Variants in CACNA1C observed in about 807,000 individuals in gnomAD.
CACNA1C encodes calcium voltage-gated channel subunit alpha1 C, also known as voltage-dependent L-type calcium channel subunit alpha-1C.
Under a neutral mutation model 229.0 loss-of-function variants are expected in CACNA1C, and 30 were observed. The ratio of observed to expected loss-of-function variants is 0.13; its 90% CI spans 0.10 to 0.18. The LOEUF (loss-of-function observed/expected upper bound fraction) is 0.18, where lower values mean the gene tolerates loss of function less well. Ranked by LOEUF, CACNA1C falls within the 10% of genes least tolerant of loss-of-function variation. The pLI, the probability that CACNA1C is intolerant of heterozygous loss-of-function variation, is 1.00. For synonymous variants in CACNA1C, 1,114 were observed against 1,132.5 expected (o/e 0.98, Z 0.33); for missense variants, 1,658 against 2,845.0 (o/e 0.58, Z 9.49).
rs554000217 is a variant in CACNA1C at position 2,418,126 on chromosome 12, G to A, written c.478-30850G>A. 5.3e-5 allele frequency among the ~76,000 whole-genome samples: 8 copies of A among 152,204 alleles called. No homozygotes were observed. In the East Asian group the frequency reaches 7.7e-4, roughly 15 times the overall value. On this transcript the variant is annotated intron_variant, in intron 3 of 46. Coordinates refer to ENST00000399655, the MANE Select transcript of CACNA1C (RefSeq NM_000719.7). Reference sequence around the variant, plus strand: ...CCTGTCTAACCTTCTGCCTCAGCTCGCTCAGCTGCATAGACAGATAGGCAG... The same window carrying A: ...CCTGTCTAACCTTCTGCCTCAGCTCACTCAGCTGCATAGACAGATAGGCAG...
At chr12:2,210,944 C>CAA (rs1303836500) in intron 3 of CACNA1C, among the ~76,000 whole-genome samples, 25 of 152,026 alleles carry the variant, frequency 1.6e-4, no homozygotes, top group African/African-American at 5.8e-4. Flanking sequence ...TACAGGTGGG[C>CAA]AAGCTGGGAT....
At chr12:2,522,493 G>A (rs2099811857) in intron 9 of CACNA1C, among the ~76,000 whole-genome samples, 1 of 152,164 alleles carries the variant, frequency 6.6e-6, no homozygotes, top group South Asian at 2.1e-4. Flanking sequence ...TTGACAGAAT[G>A]GGCAGAAATG....
chr12:2,613,267 C>T (rs1435469826), intron 29 of CACNA1C: 1 of 152,162 alleles, frequency 6.6e-6, no homozygotes, highest in Non-Finnish European at 1.5e-5. Context: ...ATTAGCATCC[C>T]TCTGTGGAGA....
At chr12:2,611,504 T>TA (rs2077765713) in intron 28 of CACNA1C, among the ~76,000 whole-genome samples, 1 of 144,232 alleles carries the variant, frequency 6.9e-6, no homozygotes, top group African/African-American at 2.6e-5. Context: ...TGTTGGTTGA[T>TA]AAGTGGGGAG....
intron 1 of CACNA1C, among the ~76,000 whole-genome samples, chr12:2,055,100 G>A (rs1189312802): frequency 2.0e-5 from 3 of 152,242 alleles, no homozygotes; most frequent in African/African-American, 7.2e-5. Flanking sequence ...CTTGTCAAGG[G>A]TCATGGGTTC....
At position 2,080,059 on chromosome 12, in the gene CACNA1C, A is replaced by G. The variant is rs781257918; in HGVS notation, c.49+26448A>G. Among the ~76,000 whole-genome samples, 108 of 152,106 alleles carry G rather than the reference A, an allele frequency of 7.1e-4. 1 individual carries two copies. The highest frequency in any genetic ancestry group is 3.4e-3 in the Middle Eastern group (1 of 292). On this transcript the variant is annotated intron_variant, in intron 1 of 46. Coordinates refer to ENST00000399655, the MANE Select transcript of CACNA1C (RefSeq NM_000719.7). ...GCAGATCACTTGAGGCCAGGAGTTC[A>G]AGACCAGCCTGGCCAACATGGTGAA...
intron 3 of CACNA1C, among the ~76,000 whole-genome samples, chr12:2,292,917 C>T (rs1450773304): frequency 1.3e-5 from 2 of 151,528 alleles, no homozygotes; most frequent in Admixed American, 6.6e-5. Flanking sequence ...GAGAGCTTTC[C>T]GTAATTGCGT....
At chr12:2,533,895 G>T (rs972254278) in intron 9 of CACNA1C, among the ~76,000 whole-genome samples, 1 of 152,156 alleles carries the variant, frequency 6.6e-6, no homozygotes, top group African/African-American at 2.4e-5. Context: ...ATGAGGTGCT[G>T]TCATGTGAGC....
intron 7 of CACNA1C, among the ~76,000 whole-genome samples, chr12:2,501,413 C>T (rs2099759970): frequency 2.0e-5 from 3 of 152,240 alleles, no homozygotes; most frequent in African/African-American, 2.4e-5. Context: ...GTCTCAACCC[C>T]ATTGCCTTCC....
intron 1 of CACNA1C, among the ~76,000 whole-genome samples, chr12:1,994,330 C>G (rs1010647702): frequency 1.3e-5 from 2 of 152,184 alleles, no homozygotes; most frequent in South Asian, 4.1e-4. Flanking sequence ...TTATGAGCAA[C>G]AGGAAGACAA....
At chr12:2,236,198 A>G (rs1345974012) in intron 3 of CACNA1C, among the ~76,000 whole-genome samples, 2 of 152,162 alleles carry the variant, frequency 1.3e-5, no homozygotes, top group African/African-American at 4.8e-5. Flanking sequence ...TGTGCCCAAG[A>G]GCCATCTGGG....
chr12:2,236,301 C>T lies in CACNA1C; in HGVS notation c.477+115871C>T, dbSNP rs148724080. ...AAGCTCCCAGGTAATGTCAGTGTGA[C>T]TGATTGCTGGTCCACACATTGAGCA... is the stretch of plus-strand genomic sequence containing the variant. On this transcript the variant is annotated intron_variant, in intron 3 of 46. Transcript: ENST00000399655. 1.3e-5 allele frequency among the ~76,000 whole-genome samples: 2 copies of T among 152,300 alleles called. 1 individual carries two copies. Among genetic ancestry groups the T allele is most frequent in the African/African-American group, 4.8e-5 (2 of 41,570 alleles).
chr12:2,069,409 TG>T (rs1422140757), intron 1 of CACNA1C, among the ~76,000 whole-genome samples: 1 of 152,090 alleles, frequency 6.6e-6, no homozygotes, highest in Non-Finnish European at 1.5e-5. Flanking sequence ...GACTTGCATG[TG>T]GGGGGTGTGC....
At chr12:2,065,805 G>A (rs1380021580) in intron 1 of CACNA1C, among the ~76,000 whole-genome samples, 1 of 152,206 alleles carries the variant, frequency 6.6e-6, no homozygotes, top group Non-Finnish European at 1.5e-5. Flanking sequence ...GAAAGGGTGG[G>A]ATGGCCTGTA....
chr12:2,147,080 T>G (rs2094785422), intron 3 of CACNA1C, among the ~76,000 whole-genome samples: 1 of 151,260 alleles, frequency 6.6e-6, no homozygotes, highest in South Asian at 2.1e-4. Flanking sequence ...AGCTCTATCC[T>G]TTCTCCTGTC....
At chr12:2,562,173 A>G (rs2047850394) in intron 11 of CACNA1C, among the ~76,000 whole-genome samples, 1 of 144,188 alleles carries the variant, frequency 6.9e-6, no homozygotes, top group African/African-American at 2.6e-5. Context: ...GCCACTCCTC[A>G]GGGGTCTGTG....
intron 30 of CACNA1C, among the ~76,000 whole-genome samples, chr12:2,640,665 A>C (rs1470256652): frequency 6.6e-6 from 1 of 152,156 alleles, no homozygotes; most frequent in Non-Finnish European, 1.5e-5. Flanking sequence ...AGGGATCAGC[A>C]TGTCGGGATA....
intron 43 of CACNA1C, among the ~76,000 whole-genome samples, chr12:2,683,866 C>G (rs1569253859): frequency 6.6e-6 from 1 of 152,226 alleles, no homozygotes; most frequent in Non-Finnish European, 1.5e-5. Flanking sequence ...TGTCCTCTCT[C>G]AGCCCCGCCA....
intron 3 of CACNA1C, among the ~76,000 whole-genome samples, chr12:2,386,165 G>A (rs1424534385): frequency 6.6e-6 from 1 of 152,134 alleles, no homozygotes; most frequent in African/African-American, 2.4e-5. Context: ...CCCATTGGTA[G>A]CTTGAAATTG....
Sources: allele counts gnomAD v4.1 joint callset (sites outside exome capture counted in the v4.1 genomes callset), GRCh38; gene constraint gnomAD v4.1.1; transcripts MANE v1.5; gene names NCBI Gene and HGNC (gene_info 2026-07-23, HGNC 2026-07-21).